Variants in ITGAD observed in about 807,000 individuals in gnomAD.
ITGAD encodes integrin subunit alpha D, also known as integrin alpha-D.
ITGAD carries 105 observed loss-of-function variants against 139.0 expected under a neutral mutation model. The observed-to-expected ratio is 0.76, with a 90% confidence interval of 0.65 to 0.89. ITGAD has a LOEUF of 0.89. Among genes scored for constraint, ITGAD ranks in the 40% least tolerant of loss-of-function variants. ITGAD has a pLI of 0.00. For synonymous variants in ITGAD, 569 were observed against 598.3 expected, an observed-to-expected ratio of 0.95 and a Z score of 0.71; for missense variants, 1,384 against 1,487.3, an observed-to-expected ratio of 0.93 and a Z score of 1.14.
chr16:31,415,569 T>A (rs1404588755), intron 18 of ITGAD, among the ~76,000 whole-genome samples: 1 of 152,196 alleles, frequency 6.6e-6, no homozygotes, highest in Non-Finnish European at 1.5e-5. Context: ...AGTTCCCACT[T>A]TTCCCTAGCA....
At chr16:31,425,689 C>CT (rs113613818) in intron 29 of ITGAD, among the ~76,000 whole-genome samples, 9,407 of 144,652 alleles carry the variant, frequency 0.065, 724 homozygotes, top group African/African-American at 0.18. Context: ...TCTTCTTCTT[C>CT]TTTTTTTTTT....
At chr16:31,420,752 T>G (rs1203520672) in intron 23 of ITGAD, among the ~76,000 whole-genome samples, 1 of 152,146 alleles carries the variant, frequency 6.6e-6, no homozygotes, top group Non-Finnish European at 1.5e-5. Flanking sequence ...TTTTGTATTT[T>G]TAGTAGAGAC....
rs777440201 is a variant in ITGAD, at chr16:31,410,764, G to C, written c.1242G>C (p.Lys414Asn). 3.1e-6 allele frequency: 5 copies of C among 1,612,942 alleles called. No homozygotes were observed. The East Asian group carries it at 8.9e-5, about 29-fold the overall frequency. ...LGYSTELALW[K>N]GVQNLVLGAP... Reference sequence around the variant, plus strand: ...ACTCCACCGAGCTAGCCCTGTGGAAGGGGGTACAGAACCTGGTCCTGGGGG... The same window carrying C: ...ACTCCACCGAGCTAGCCCTGTGGAACGGGGTACAGAACCTGGTCCTGGGGG... Residue 414 changes from lysine (K) to asparagine (N), a missense_variant, in exon 12 of 30, where the codon AAG becomes AAC. Physicochemically the swap from Lys to Asn is moderately conservative, Grantham distance 94. Transcript: ENST00000389202.
chr16:31,393,532 G>T lies in ITGAD; in HGVS notation c.31+141G>T, dbSNP rs544631537. On this transcript the variant is annotated intron_variant, in intron 1 of 29. Coordinates refer to ENST00000389202, the MANE Select transcript of ITGAD (RefSeq NM_005353.3). ...CAGGGGAGTGCTTCATGTGCGAGTG[G>T]CCCGGAGTCAGTAGAGTGTGACCTG... The T allele has an allele frequency of 5.1e-5, 44 of 859,086 alleles. No individual in the cohort carries two copies. In the South Asian group the frequency reaches 5.3e-4, roughly 10 times the overall value. 53.2% of individuals were successfully genotyped at this position (859,086 alleles called of 1,614,324 possible).
intron 17 of ITGAD, 60 bp from the exon 18 acceptor site, chr16:31,414,792 CAGTGGAGG>C: frequency 6.3e-7 from 1 of 1,586,628 alleles, no homozygotes; most frequent in Non-Finnish European, 8.6e-7. Flanking sequence ...GGAGTGGATG[CAGTGGAGG>C]AGGACTTGTG....
Position 31,411,171 on chromosome 16 carries a change from G to T in ITGAD, c.1452G>T (p.Glu484Asp). ...TCATTGGGGCCCCCCATTACTATGA[G>T]CAGACCCGAGGGGGCCAGGTGTCCG... is the stretch of plus-strand genomic sequence containing the variant. ...LILIGAPHYY[E>D]QTRGGQVSVC... The change falls in exon 13 of 30, where the codon GAG becomes GAT. Residue 484 changes from glutamate to aspartate, a missense_variant. By Grantham distance (45) the Glu-to-Asp change is conservative. Transcript: ENST00000389202. 6.2e-7 allele frequency: 1 copy of T among 1,614,064 alleles called. No individual in the cohort carries two copies. The highest frequency in any genetic ancestry group is 8.5e-7 in the Non-Finnish European group (1 of 1,179,958).
At position 31,410,533 on chromosome 16, in the gene ITGAD, C is replaced by A. The variant is rs192549542; in HGVS notation, c.1213+9C>A. Reference sequence around the variant, plus strand: ...GAGGGACTCTTACCTGGGTGAGAAACGGCCAGGGGTTGGGGACAGGTTGGA... The same window carrying A: ...GAGGGACTCTTACCTGGGTGAGAAAAGGCCAGGGGTTGGGGACAGGTTGGA... On this transcript the variant is annotated intron_variant, in intron 11 of 29. Coordinates refer to ENST00000389202, the MANE Select transcript of ITGAD (RefSeq NM_005353.3). The A allele has an allele frequency of 1.1e-4, 175 of 1,549,166 alleles. No homozygotes were observed. In the African/African-American group the frequency reaches 2.2e-3, roughly 19 times the overall value.
In ITGAD at chr16:31,416,513, C is replaced by A. The variant is rs1182918121; in HGVS notation, c.2366C>A (p.Thr789Asn). ...TCGTCCTTCCCCTTCAGCCTGCAGA[C>A]CCTGACCGTGGGGAGCTCCCTGGAG... is the stretch of plus-strand genomic sequence containing the variant. Reference protein sequence around the residue: ...GVTLSFSGLQTLTVGSSLELN... With the variant: ...GVTLSFSGLQNLTVGSSLELN... The change falls in exon 20 of 30, where the codon ACC (threonine) becomes AAC (asparagine). Residue 789 changes from threonine (T) to asparagine (N), a missense_variant. Transcript: ENST00000389202. The A allele has an allele frequency of 1.2e-6, 2 of 1,610,958 alleles. No individual in the cohort carries two copies. Among genetic ancestry groups the A allele is most frequent in the Admixed American group, 1.7e-5 (1 of 59,948 alleles).
At chr16:31,409,347 A>AC (rs1555485781) in intron 10 of ITGAD, among the ~76,000 whole-genome samples, 1 of 132,984 alleles carries the variant, frequency 7.5e-6, no homozygotes, top group South Asian at 3.6e-4. Context: ...GCAAAAAAAA[A>AC]CAAAAACAAA....
Position 31,402,142 on chromosome 16 carries a change from T to A in ITGAD, c.455T>A (p.Val152Asp), listed in dbSNP as rs1316518627. Residue 152 changes from valine to aspartate, a missense_variant, in exon 6 of 30, where the codon GTC (valine) becomes GAC (aspartate). By Grantham distance (152) the Val-to-Asp change is radical. Transcript: ENST00000389202. ...TGTCCACATCAAGAGATGGACATCG[T>A]CTTCCTGATTGACGGCTCTGGAAGC... Reference protein sequence around the residue: ...PECPHQEMDIVFLIDGSGSID... With the variant: ...PECPHQEMDIDFLIDGSGSID... 1 of 1,614,048 alleles carries A rather than the reference T, an allele frequency of 6.2e-7. No homozygotes were observed. Among genetic ancestry groups the A allele is most frequent in the African/African-American group, 1.3e-5 (1 of 75,070 alleles).
At chr16:31,407,459 G>A (rs2081566539) in intron 7 of ITGAD, 56 bp from the exon 8 acceptor site, 1 of 1,477,270 alleles carries the variant, frequency 6.8e-7, no homozygotes, top group African/African-American at 1.4e-5. Context: ...TGCAAATGAT[G>A]TCTTTCCAGA....
intron 23 of ITGAD, among the ~76,000 whole-genome samples, chr16:31,421,012 T>C (rs1296978367): frequency 6.6e-6 from 1 of 152,240 alleles, no homozygotes; most frequent in East Asian, 1.9e-4. Flanking sequence ...CTTACAGTTA[T>C]ATATACCCAT....
chr16:31,424,548 C>T lies in ITGAD; in HGVS notation c.3343C>T (p.Leu1115=). 6.2e-7 allele frequency: 1 copy of T among 1,612,976 alleles called. No individual in the cohort carries two copies. Among genetic ancestry groups the T allele is most frequent in the Non-Finnish European group, 8.5e-7 (1 of 1,179,286 alleles). ...MGSSVGALLL[L]ALITATLYKL... The stretch of plus-strand genomic sequence containing the variant: ...CAGCTCTGTGGGGGCTCTGCTACTG[C>T]TGGCGCTCATCACAGCCACACTGTA... Residue 1115 remains leucine, a synonymous_variant, in exon 29 of 30, where the codon CTG becomes TTG. Transcript: ENST00000389202.
intron 6 of ITGAD, 37 bp downstream of exon 6, chr16:31,402,282 CG>C: frequency 5.6e-6 from 1 of 177,350 alleles, no homozygotes; most frequent in Non-Finnish European, 9.4e-6. Context: ...GTTTGGGGGA[CG>C]GGGGAGGCTG....
chr16:31,418,647 A>C, intron 23 of ITGAD, 83 bp downstream of exon 23: 1 of 998,604 alleles, frequency 1.0e-6, no homozygotes, highest in Non-Finnish European at 1.6e-6. Flanking sequence ...CTGCTCTTCC[A>C]ATGATGCACA....
At chr16:31,395,439 C>A (rs970548313) in intron 2 of ITGAD, among the ~76,000 whole-genome samples, 2 of 152,320 alleles carry the variant, frequency 1.3e-5, no homozygotes, top group Non-Finnish European at 2.9e-5. Flanking sequence ...CTGGCTCCCC[C>A]ACCCATGTGG....
At chr16:31,397,053 T>G in intron 2 of ITGAD, among the ~76,000 whole-genome samples, 1 of 147,962 alleles carries the variant, frequency 6.8e-6, no homozygotes, top group Non-Finnish European at 1.5e-5. Flanking sequence ...CATTTTGGTC[T>G]TTAAATAGGT....
intron 14 of ITGAD, among the ~76,000 whole-genome samples, chr16:31,411,782 A>G (rs2081724355): frequency 6.6e-6 from 1 of 152,274 alleles, no homozygotes; most frequent in Non-Finnish European, 1.5e-5. Context: ...GGCCTTAGGC[A>G]GGTGACTGAC....
chr16:31,422,291 G>T (rs2082023602), intron 23 of ITGAD, among the ~76,000 whole-genome samples: 1 of 152,096 alleles, frequency 6.6e-6, no homozygotes, highest in Admixed American at 6.6e-5. Flanking sequence ...AGAGGGCAGG[G>T]AGTTATGGCT....
Sources: gnomAD v4.1 joint callset for allele counts (sites outside exome capture counted in the v4.1 genomes callset) on GRCh38, gnomAD v4.1.1 for gene constraint, MANE v1.5 for transcripts, NCBI Gene and HGNC (gene_info 2026-07-23, HGNC 2026-07-21) for gene names.